The following TNIK variants were observed in gnomAD, a reference collection of about 807,000 sequenced individuals.
TNIK encodes TRAF2 and NCK-interacting protein kinase.
In TNIK, 49 loss-of-function variants were observed where a neutral mutation model predicts 191.3. The observed-to-expected ratio is 0.26, with a 90% CI of 0.20 to 0.32. The LOEUF is 0.32. Ranked by LOEUF, TNIK falls within the 10% of genes least tolerant of loss-of-function variation. The pLI is 1.00. For missense variants in TNIK, 1,155 were observed against 1,702.3 expected (o/e 0.68, Z 5.66); for synonymous variants, 594 against 600.9 (o/e 0.99, Z 0.17).
intron 2 of TNIK, among the ~76,000 whole-genome samples, chr3:171,354,695 G>A (rs1279938450): frequency 2.0e-5 from 3 of 152,190 alleles, no homozygotes; most frequent in Admixed American, 6.5e-5. Context: ...AGACTGCTGA[G>A]GGAGAAATAA....
intron 18 of TNIK, among the ~76,000 whole-genome samples, chr3:171,113,388 G>A (rs1273366005): frequency 1.3e-5 from 2 of 152,064 alleles, no homozygotes; most frequent in South Asian, 2.1e-4. Context: ...GGCAGATCAC[G>A]AGGTCAGGAG....
intron 15 of TNIK, among the ~76,000 whole-genome samples, chr3:171,137,458 A>G (rs1473598146): frequency 6.6e-6 from 1 of 152,206 alleles, no homozygotes; most frequent in Non-Finnish European, 1.5e-5. Context: ...TGTTATGCAC[A>G]TGACCTCACA....
Position 171,176,375 on chromosome 3 carries a change from C to T in TNIK, c.694+951G>A, listed in dbSNP as rs1443967281. Among the ~76,000 whole-genome samples, 4 of 152,234 alleles carry T rather than the reference C, an allele frequency of 2.6e-5. No individual in the cohort carries two copies. In the East Asian group the frequency reaches 5.8e-4, roughly 22 times the overall value. ...AAAAGTCATAAGTATAATGACCTGTCGTGCAAATAAAGGGCCTATTTTTGT... is the reference window on the plus strand; with the variant it reads ...AAAAGTCATAAGTATAATGACCTGTTGTGCAAATAAAGGGCCTATTTTTGT... On this transcript the variant is annotated intron_variant, in intron 8 of 32. Coordinates refer to ENST00000436636, the MANE Select transcript of TNIK (RefSeq NM_015028.4).
At chr3:171,227,505 C>T (rs56065960) in intron 3 of TNIK, among the ~76,000 whole-genome samples, 8,108 of 152,198 alleles carry the variant, frequency 0.053, 734 homozygotes, top group African/African-American at 0.19. Flanking sequence ...ACCTTCACAT[C>T]CTTGTTCTGC....
At chr3:171,425,651 C>T (rs1724453267) in intron 1 of TNIK, among the ~76,000 whole-genome samples, 1 of 151,918 alleles carries the variant, frequency 6.6e-6, no homozygotes, top group South Asian at 2.1e-4. Context: ...CATGGTGAAA[C>T]CCTGTTCCTA....
intron 10 of TNIK, among the ~76,000 whole-genome samples, chr3:171,163,152 A>G (rs1734218749): frequency 6.6e-6 from 1 of 152,216 alleles, no homozygotes; most frequent in Non-Finnish European, 1.5e-5. Flanking sequence ...CCTGGGTGTG[A>G]GAAAACCTTA....
intron 19 of TNIK, 149 bp downstream of exon 19, chr3:171,110,565 G>T: frequency 9.7e-7 from 1 of 1,028,714 alleles, no homozygotes. Context: ...CTCCCGAGGA[G>T]ACTGGGGTTG....
chr3:171,160,704 C>G (rs1733877891), intron 11 of TNIK, among the ~76,000 whole-genome samples: 1 of 152,096 alleles, frequency 6.6e-6, no homozygotes, highest in Non-Finnish European at 1.5e-5. Context: ...GACAATAAAA[C>G]AGCCCTGGAT....
intron 2 of TNIK, among the ~76,000 whole-genome samples, chr3:171,354,205 A>G (rs1345352635): frequency 6.6e-6 from 1 of 152,168 alleles, no homozygotes; most frequent in African/African-American, 2.4e-5. Context: ...GTTTTAAAAA[A>G]CTAATTTTCA....
At chr3:171,319,735 A>G (rs1210599507) in intron 2 of TNIK, among the ~76,000 whole-genome samples, 2 of 152,152 alleles carry the variant, frequency 1.3e-5, no homozygotes, top group African/African-American at 2.4e-5. Flanking sequence ...AAGGAACGAG[A>G]CCTTTTTAAG....
chr3:171,194,476 T>G, intron 5 of TNIK, 49 bp downstream of exon 5: 2 of 1,492,722 alleles, frequency 1.3e-6, no homozygotes, highest in Admixed American at 1.8e-5. Context: ...AGATATCATG[T>G]GTTGCTTGAA....
At chr3:171,152,568 G>C (rs1228381794) in intron 12 of TNIK, among the ~76,000 whole-genome samples, 1 of 152,098 alleles carries the variant, frequency 6.6e-6, no homozygotes, top group Non-Finnish European at 1.5e-5. Context: ...GCAGAGCTCA[G>C]GAAGTGGAGG....
intron 9 of TNIK, among the ~76,000 whole-genome samples, chr3:171,173,943 C>A (rs1159005455): frequency 6.6e-6 from 1 of 152,108 alleles, no homozygotes; most frequent in East Asian, 1.9e-4. Flanking sequence ...TGTTGGGGTG[C>A]TTTGCCGATC....
chr3:171,419,514 G>C (rs1000292927), intron 1 of TNIK, among the ~76,000 whole-genome samples: 1 of 152,134 alleles, frequency 6.6e-6, no homozygotes, highest in African/African-American at 2.4e-5. Context: ...CAAGAAAACT[G>C]TTTAAAAAAT....
At position 171,070,600 on chromosome 3, in the gene TNIK, G is replaced by C. The variant is rs538017285; in HGVS notation, c.3549+623C>G. Among the ~76,000 whole-genome samples, 3 of 152,278 alleles carry C rather than the reference G, an allele frequency of 2.0e-5. No homozygotes were observed. The East Asian group carries it at 5.8e-4, about 29-fold the overall frequency. On this transcript the variant is annotated intron_variant, in intron 29 of 32. Transcript: ENST00000436636. ...TGGTATTCGGGTGTCAGCTTCATGA[G>C]CTGGGGTCAACAGGACTAGCATATC...
chr3:171,227,434 A>C (rs1743092114), intron 3 of TNIK, among the ~76,000 whole-genome samples: 1 of 152,148 alleles, frequency 6.6e-6, no homozygotes, highest in African/African-American at 2.4e-5. Context: ...TGGTAGGCAG[A>C]CCTTTGGGAA....
At chr3:171,341,916 A>C (rs1426677111) in intron 2 of TNIK, among the ~76,000 whole-genome samples, 1 of 152,232 alleles carries the variant, frequency 6.6e-6, no homozygotes, top group Non-Finnish European at 1.5e-5. Flanking sequence ...GTGTACAGCA[A>C]GCCCTATACC....
chr3:171,101,786 G>T (rs927182237), intron 21 of TNIK, 153 bp from the exon 22 acceptor site: 1 of 704,360 alleles, frequency 1.4e-6, no homozygotes, highest in Non-Finnish European at 2.3e-6. Flanking sequence ...CTAAGAAAAT[G>T]ATGTTTGTAG....
intron 1 of TNIK, among the ~76,000 whole-genome samples, chr3:171,395,931 C>T (rs1720176154): frequency 1.3e-5 from 2 of 152,082 alleles, no homozygotes; most frequent in African/African-American, 2.4e-5. Context: ...TTTTAAAAAA[C>T]AGGTTTATTA....
Sources: gnomAD v4.1 joint callset for allele counts (sites outside exome capture counted in the v4.1 genomes callset) on GRCh38, gnomAD v4.1.1 for gene constraint, MANE v1.5 for transcripts, NCBI Gene and HGNC (gene_info 2026-07-23, HGNC 2026-07-21) for gene names.